The following SYCE1L variants were observed in gnomAD, a reference collection of about 807,000 sequenced individuals.
SYCE1L encodes synaptonemal complex central element protein 1-like.
A neutral mutation model predicts 39.6 loss-of-function variants in SYCE1L; 51 were observed. That is an observed-to-expected ratio of 1.29 (90% CI 1.03 to 1.63). The LOEUF (loss-of-function observed/expected upper bound fraction) is 1.63. Ranked by LOEUF, SYCE1L falls within the 40% of genes most tolerant of loss-of-function variation. SYCE1L has a pLI of 0.00. For synonymous variants in SYCE1L, 147 were observed against 122.4 expected, an observed-to-expected ratio of 1.20 and a Z score of -1.33; for missense variants, 426 against 304.9, an observed-to-expected ratio of 1.40 and a Z score of -2.96.
At chr16:77,201,805 T>A (rs1331424184) in intron 1 of SYCE1L, 1 of 152,230 alleles carries the variant, frequency 6.6e-6, no homozygotes, top group East Asian at 1.9e-4. Flanking sequence ...AAGTTCTAAT[T>A]TAAATGTATT....
intron 6 of SYCE1L, 30 bp downstream of exon 6, chr16:77,209,501 C>T: frequency 6.4e-7 from 1 of 1,551,166 alleles, no homozygotes; most frequent in Non-Finnish European, 8.7e-7. Context: ...CTCTTCCCTA[C>T]CTCATTCCCC....
intron 1 of SYCE1L, 130 bp downstream of exon 1, chr16:77,199,642 T>C (rs1054849137): frequency 7.4e-6 from 6 of 814,836 alleles, no homozygotes; most frequent in East Asian, 5.4e-5. Flanking sequence ...CCTTTTGTTA[T>C]TGAAGAAAAA....
At chr16:77,208,735 AAGAAT>A (rs1179646342) in intron 4 of SYCE1L, among the ~76,000 whole-genome samples, 196 bp downstream of exon 4, 1 of 152,194 alleles carries the variant, frequency 6.6e-6, no homozygotes, top group Non-Finnish European at 1.5e-5. Context: ...GGTCTCATCT[AAGAAT>A]AGAATCCCGC....
intron 2 of SYCE1L, 109 bp from the exon 3 acceptor site, chr16:77,208,101 C>T (rs2054797966): frequency 2.6e-6 from 3 of 1,140,916 alleles, no homozygotes; most frequent in Non-Finnish European, 3.7e-6. Flanking sequence ...AGCAGGCGCT[C>T]AATATATGCC....
At chr16:77,211,631 C>G (rs994939999) in intron 7 of SYCE1L, among the ~76,000 whole-genome samples, 2 of 152,188 alleles carry the variant, frequency 1.3e-5, no homozygotes, top group African/African-American at 4.8e-5. Flanking sequence ...TTGCACCGGT[C>G]AGCATTTGAG....
chr16:77,210,220 G>C (rs142980887), intron 6 of SYCE1L, among the ~76,000 whole-genome samples: 2 of 152,152 alleles, frequency 1.3e-5, no homozygotes, highest in Non-Finnish European at 2.9e-5. Context: ...TGTGTTTTTA[G>C]TAGAGATGGG....
chr16:77,208,804 T>C (rs2054803688), intron 4 of SYCE1L, among the ~76,000 whole-genome samples: 1 of 152,240 alleles, frequency 6.6e-6, no homozygotes, highest in Non-Finnish European at 1.5e-5. Flanking sequence ...AGAGCCTTTA[T>C]GTCCACCTGA....
rs147889925 is a variant in SYCE1L at position 77,210,052 on chromosome 16, C to G, written c.359+581C>G. Among the ~76,000 whole-genome samples, 532 of 152,296 alleles carry G rather than the reference C, an allele frequency of 3.5e-3. 6 individuals are homozygous for G. The highest frequency in any genetic ancestry group is 0.012 in the African/African-American group (481 of 41,554). On this transcript the variant is annotated intron_variant, in intron 6 of 10. Coordinates refer to ENST00000378644, the MANE Select transcript of SYCE1L (RefSeq NM_001129979.3). ...GCAATCCTTTCTTTCTCTGTCCAGC[C>G]ACTATTCCTCTACTCATCATTTCTC... is the stretch of plus-strand genomic sequence containing the variant.
intron 8 of SYCE1L, 26 bp downstream of exon 8, chr16:77,212,225 G>T (rs2054828206): frequency 6.5e-7 from 1 of 1,543,598 alleles, no homozygotes; most frequent in Non-Finnish European, 8.7e-7. Flanking sequence ...CAGGTGGGCG[G>T]GGGGAGGGGG....
intron 1 of SYCE1L, chr16:77,199,750 A>G (rs1479978146): frequency 2.3e-6 from 1 of 444,050 alleles, no homozygotes; most frequent in Admixed American, 3.9e-5. Flanking sequence ...CGTTGTTGAA[A>G]GTAAACAACA....
At position 77,199,421 on chromosome 16, in the gene SYCE1L, C is replaced by G. The variant is rs1020972362; in HGVS notation, c.-31C>G. On this transcript the variant is annotated 5_prime_UTR_variant, in exon 1 of 11. Transcript: ENST00000378644. ...GTTTCTTTTTTAACCAGTCATCAAGCGAGGCTCGCGCGCAGGCCCCGCGTT... is the reference window on the plus strand; with the variant it reads ...GTTTCTTTTTTAACCAGTCATCAAGGGAGGCTCGCGCGCAGGCCCCGCGTT... The G allele has an allele frequency of 1.0e-5, 16 of 1,550,008 alleles. No individual in the cohort carries two copies. Among genetic ancestry groups the G allele is most frequent in the Non-Finnish European group, 1.0e-5 (12 of 1,146,050 alleles).
chr16:77,203,963 A>G (rs1209325392), intron 1 of SYCE1L, among the ~76,000 whole-genome samples: 1 of 152,116 alleles, frequency 6.6e-6, no homozygotes, highest in Non-Finnish European at 1.5e-5. Flanking sequence ...TTATGTCCTT[A>G]AGACACATTC....
At chr16:77,201,685 TCA>T (rs1398861156) in intron 1 of SYCE1L, 2 of 152,192 alleles carry the variant, frequency 1.3e-5, no homozygotes, top group African/African-American at 4.8e-5. Flanking sequence ...CAAGAAGTAG[TCA>T]CAGAAATTGC....
chr16:77,207,915 C>T (rs2054796598), intron 2 of SYCE1L, among the ~76,000 whole-genome samples: 1 of 152,188 alleles, frequency 6.6e-6, no homozygotes. Context: ...CATCTGGGGC[C>T]TTTGCATATC....
intron 1 of SYCE1L, among the ~76,000 whole-genome samples, chr16:77,204,024 A>G (rs2054766858): frequency 6.6e-6 from 1 of 152,118 alleles, no homozygotes. Flanking sequence ...TTTGGTACTT[A>G]TTCATCAGAA....
intron 1 of SYCE1L, among the ~76,000 whole-genome samples, chr16:77,203,372 T>G (rs1170402274): frequency 6.6e-6 from 1 of 151,638 alleles, no homozygotes; most frequent in African/African-American, 2.4e-5. Flanking sequence ...ATTTAAAAAT[T>G]AAAATGCAAA....
chr16:77,203,756 G>A lies in SYCE1L; in HGVS notation c.62-2685G>A, dbSNP rs148402328. Reference sequence around the variant, plus strand: ...ATTACAGGCGTGCATCAACATGTCCGGCTAATTTTTGTATTTTTAGTAGAG... The same window carrying A: ...ATTACAGGCGTGCATCAACATGTCCAGCTAATTTTTGTATTTTTAGTAGAG... On this transcript the variant is annotated intron_variant, in intron 1 of 10. Transcript: ENST00000378644. 2.9e-3 allele frequency among the ~76,000 whole-genome samples: 434 copies of A among 152,010 alleles called. 6 individuals carry two copies. Among genetic ancestry groups the A allele is most frequent in the African/African-American group, 0.01 (418 of 41,470 alleles).
At chr16:77,203,748 A>T (rs2054764079) in intron 1 of SYCE1L, among the ~76,000 whole-genome samples, 2 of 151,830 alleles carry the variant, frequency 1.3e-5, no homozygotes, top group Non-Finnish European at 1.5e-5. Flanking sequence ...GCGTGCATCA[A>T]CATGTCCGGC....
intron 5 of SYCE1L, 85 bp from the exon 6 acceptor site, chr16:77,209,332 C>G: frequency 2.7e-6 from 4 of 1,456,190 alleles, no homozygotes; most frequent in Non-Finnish European, 3.8e-6. Flanking sequence ...CCTCCAATGC[C>G]TGACATGATG....
Sources: gnomAD v4.1 joint callset for allele counts (sites outside exome capture counted in the v4.1 genomes callset) on GRCh38, gnomAD v4.1.1 for gene constraint, MANE v1.5 for transcripts, NCBI Gene and HGNC (gene_info 2026-07-23, HGNC 2026-07-21) for gene names.